FGF14: variants seen among roughly 807,000 people sequenced by gnomAD.
FGF14 encodes the protein fibroblast growth factor homologous factor 4.
A neutral mutation model predicts 25.5 loss-of-function variants in FGF14; 5 were observed. That is an observed-to-expected ratio of 0.20 (90% CI 0.10 to 0.41). The LOEUF is 0.41. Among genes scored for constraint, FGF14 ranks in the 10% least tolerant of loss-of-function variants. The pLI is 1.00. For missense variants in FGF14, 222 were observed against 320.1 expected, an observed-to-expected ratio of 0.69 and a Z score of 2.34; for synonymous variants, 138 against 118.3, an observed-to-expected ratio of 1.17 and a Z score of -1.08.
intron 1 of FGF14, among the ~76,000 whole-genome samples, chr13:102,174,412 C>T (rs1331631400): frequency 1.3e-5 from 2 of 151,690 alleles, no homozygotes; most frequent in Non-Finnish European, 2.9e-5. Context: ...ATGACCCACC[C>T]ACCTCAGCCT....
intron 1 of FGF14, among the ~76,000 whole-genome samples, chr13:102,283,093 A>G (rs952740110): frequency 1.3e-5 from 2 of 152,130 alleles, no homozygotes; most frequent in Non-Finnish European, 2.9e-5. Flanking sequence ...TGCAAAAGCA[A>G]CTTTTCATCC....
intron 1 of FGF14, among the ~76,000 whole-genome samples, chr13:101,963,820 C>G (rs191759947): frequency 6.6e-6 from 1 of 152,184 alleles, no homozygotes; most frequent in East Asian, 1.9e-4. Flanking sequence ...AGAGACATTT[C>G]CAGTTGTAGA....
intron 1 of FGF14, among the ~76,000 whole-genome samples, chr13:102,385,074 G>A (rs1439065129): frequency 6.6e-6 from 1 of 152,100 alleles, no homozygotes; most frequent in African/African-American, 2.4e-5. Flanking sequence ...AATGATATAC[G>A]ATATGTTAAA....
At chr13:102,378,815 A>G (rs1374475892) in intron 1 of FGF14, among the ~76,000 whole-genome samples, 6 of 152,140 alleles carry the variant, frequency 3.9e-5, no homozygotes, top group African/African-American at 1.4e-4. Flanking sequence ...AAAAGCAACA[A>G]AAATGATTTT....
intron 1 of FGF14, among the ~76,000 whole-genome samples, chr13:101,929,229 C>A (rs1028642184): frequency 6.6e-6 from 1 of 152,144 alleles, no homozygotes; most frequent in Non-Finnish European, 1.5e-5. Flanking sequence ...TGGAAAGAGT[C>A]AGCTCCACCT....
chr13:101,750,311 T>G (rs531872422), intron 3 of FGF14, among the ~76,000 whole-genome samples: 1 of 152,020 alleles, frequency 6.6e-6, no homozygotes, highest in Non-Finnish European at 1.5e-5. Context: ...AATGGAACAT[T>G]CCAGACTTAC....
intron 3 of FGF14, among the ~76,000 whole-genome samples, chr13:101,854,081 C>T (rs539607515): frequency 4.6e-5 from 7 of 152,060 alleles, no homozygotes; most frequent in East Asian, 1.9e-4. Flanking sequence ...ATGTTCCTAA[C>T]GCAGGCAAAC....
At chr13:101,788,729 C>A (rs2039998495) in intron 3 of FGF14, among the ~76,000 whole-genome samples, 1 of 151,400 alleles carries the variant, frequency 6.6e-6, no homozygotes, top group African/African-American at 2.4e-5. Flanking sequence ...GTGATATTAA[C>A]CAGAAGAATT....
At chr13:102,212,193 G>C (rs1193743375) in intron 1 of FGF14, among the ~76,000 whole-genome samples, 1 of 152,020 alleles carries the variant, frequency 6.6e-6, no homozygotes, top group Admixed American at 6.6e-5. Flanking sequence ...CTTCTCTGCC[G>C]TCTCAGGCCT....
chr13:101,850,210 G>A (rs1297908897), intron 3 of FGF14, among the ~76,000 whole-genome samples: 2 of 142,404 alleles, frequency 1.4e-5, no homozygotes, highest in African/African-American at 5.2e-5. Context: ...AAGGTGGGTG[G>A]ATCACTTGAG....
intron 2 of FGF14, among the ~76,000 whole-genome samples, chr13:101,871,232 T>C (rs952045842): frequency 5.3e-5 from 8 of 152,166 alleles, no homozygotes; most frequent in Admixed American, 2.6e-4. Flanking sequence ...GGAGATGTTT[T>C]TGTGACTTTG....
Position 101,831,284 on chromosome 13 carries a change from G to A in FGF14, c.408+37441C>T, listed in dbSNP as rs553034934. ...TTTATTTATTTATTTATTTATTTAC[G>A]TTGGCCAGGCTGGTCTTGCACTCCT... On this transcript the variant is annotated intron_variant, in intron 3 of 4. Transcript: ENST00000376143. Among the ~76,000 whole-genome samples the A allele has an allele frequency of 3.7e-4, 55 of 149,584 alleles. 1 individual carries two copies. The highest frequency in any genetic ancestry group is 1.1e-3 in the African/African-American group (43 of 40,400).
chr13:102,192,843 A>G (rs1289507255), intron 1 of FGF14, among the ~76,000 whole-genome samples: 2 of 152,188 alleles, frequency 1.3e-5, no homozygotes, highest in African/African-American at 4.8e-5. Flanking sequence ...TATTGATATC[A>G]ACATTCTCTT....
chr13:101,979,181 G>A (rs2038105900), intron 1 of FGF14, among the ~76,000 whole-genome samples: 1 of 152,140 alleles, frequency 6.6e-6, no homozygotes, highest in African/African-American at 2.4e-5. Flanking sequence ...ACTGTTCCGT[G>A]GTTCCATTTT....
chr13:102,189,111 TAG>T (rs1282199675), intron 1 of FGF14, among the ~76,000 whole-genome samples: 6 of 127,726 alleles, frequency 4.7e-5, no homozygotes, highest in African/African-American at 6.5e-5. Context: ...GAGAGAGAGA[TAG>T]AGAGAGAGAG....
At chr13:101,929,140 A>C (rs563836621) in intron 1 of FGF14, among the ~76,000 whole-genome samples, 1 of 152,312 alleles carries the variant, frequency 6.6e-6, no homozygotes, top group South Asian at 2.1e-4. Context: ...GTGGCTCAGA[A>C]TATAGCGGGG....
chr13:101,893,300 T>G (rs2030056117), intron 1 of FGF14, among the ~76,000 whole-genome samples: 1 of 152,212 alleles, frequency 6.6e-6, no homozygotes, highest in African/African-American at 2.4e-5. Flanking sequence ...TTGAGCTGCA[T>G]GAAGTCAGCC....
chr13:102,095,471 C>T (rs2124990), intron 1 of FGF14, among the ~76,000 whole-genome samples: 58,756 of 152,042 alleles, frequency 0.39, 13,467 homozygotes, highest in Non-Finnish European at 0.51. Flanking sequence ...TTGGTACTTA[C>T]AGAAACATTT....
chr13:102,088,482 C>T (rs1454280175), intron 1 of FGF14, among the ~76,000 whole-genome samples: 1 of 151,930 alleles, frequency 6.6e-6, no homozygotes, highest in Non-Finnish European at 1.5e-5. Context: ...ATTAAGTACA[C>T]CAAATGCAGT....
Sources: gnomAD v4.1 joint callset for allele counts (sites outside exome capture counted in the v4.1 genomes callset) on GRCh38, gnomAD v4.1.1 for gene constraint, MANE v1.5 for transcripts, NCBI Gene and HGNC (gene_info 2026-07-23, HGNC 2026-07-21) for gene names.